Variants in KLF13 observed in about 807,000 individuals in gnomAD.
KLF13 encodes KLF transcription factor 13, also known as Krueppel-like factor 13.
A neutral mutation model predicts 16.7 loss-of-function variants in KLF13; 8 were observed. The ratio of observed to expected loss-of-function variants is 0.48; its 90% CI spans 0.28 to 0.87. The LOEUF is 0.87. Ranked by LOEUF, KLF13 falls within the 40% of genes least tolerant of loss-of-function variation. KLF13 has a pLI of 0.10. For missense variants in KLF13, 447 were observed against 452.2 expected, an observed-to-expected ratio of 0.99 and a Z score of 0.10; for synonymous variants, 245 against 208.4, an observed-to-expected ratio of 1.18 and a Z score of -1.51.
intron 1 of KLF13, among the ~76,000 whole-genome samples, chr15:31,344,626 G>A (rs1197289887): frequency 6.6e-6 from 1 of 152,258 alleles, no homozygotes; most frequent in Non-Finnish European, 1.5e-5. Flanking sequence ...TTGGGCCAGT[G>A]GGGAGGGAGA....
chr15:31,340,968 G>A (rs1275408235), intron 1 of KLF13, among the ~76,000 whole-genome samples: 1 of 152,208 alleles, frequency 6.6e-6, no homozygotes, highest in Non-Finnish European at 1.5e-5. Context: ...TTTCACGGGA[G>A]ACCCAGCGCC....
At chr15:31,382,794 G>A (rs1453891946), downstream of KLF13, among the ~76,000 whole-genome samples, 1 of 152,206 alleles carries the variant, frequency 6.6e-6, no homozygotes, top group African/African-American at 2.4e-5. Context: ...TGCCCAGGCT[G>A]CCAATGTGTC....
intron 1 of KLF13, among the ~76,000 whole-genome samples, chr15:31,328,307 T>G (rs369348290): frequency 2.6e-5 from 4 of 151,920 alleles, no homozygotes; most frequent in African/African-American, 9.6e-5. Context: ...CAAGGTTTCC[T>G]TCGCCACTCG....
At chr15:31,330,954 C>G (rs1056988864) in intron 1 of KLF13, among the ~76,000 whole-genome samples, 1 of 152,186 alleles carries the variant, frequency 6.6e-6, no homozygotes, top group Admixed American at 6.5e-5. Flanking sequence ...GACTCACCTT[C>G]GATAGGTCAG....
At chr15:31,343,109 C>T (rs1444926417) in intron 1 of KLF13, among the ~76,000 whole-genome samples, 5 of 152,240 alleles carry the variant, frequency 3.3e-5, no homozygotes, top group Non-Finnish European at 7.3e-5. Flanking sequence ...CATACTGTCT[C>T]CGTGCTCTGC....
chr15:31,365,371 G>C (rs1013853410), intron 1 of KLF13, among the ~76,000 whole-genome samples: 1 of 152,130 alleles, frequency 6.6e-6, no homozygotes, highest in African/African-American at 2.4e-5. Context: ...AGGACCTCCC[G>C]GTAGGAGTTG....
chr15:31,385,142 C>T (rs1045310987), intron 1 of KLF13, among the ~76,000 whole-genome samples: 8 of 152,310 alleles, frequency 5.3e-5, no homozygotes, highest in Middle Eastern at 3.4e-3. Context: ...CCCCACCAGA[C>T]GCTGGATCTG....
chr15:31,364,168 T>TTA (rs2039429035), intron 1 of KLF13, among the ~76,000 whole-genome samples: 1 of 152,186 alleles, frequency 6.6e-6, no homozygotes. Context: ...TTCTGGCTAT[T>TTA]ACTGTGTGTT....
At chr15:31,410,039 A>C (rs185214358) in intron 1 of KLF13, among the ~76,000 whole-genome samples, 2 of 152,318 alleles carry the variant, frequency 1.3e-5, no homozygotes, top group East Asian at 3.9e-4. Flanking sequence ...CAAGCAAACT[A>C]TAAGATCAGT....
intron 1 of KLF13, among the ~76,000 whole-genome samples, chr15:31,421,790 T>C (rs1250596698): frequency 6.6e-6 from 1 of 152,104 alleles, no homozygotes; most frequent in Non-Finnish European, 1.5e-5. Flanking sequence ...TCCTTTCCTG[T>C]CAGTAATTTT....
downstream of KLF13, among the ~76,000 whole-genome samples, chr15:31,381,313 T>G (rs1350966688): frequency 5.9e-5 from 9 of 152,176 alleles, no homozygotes; most frequent in Non-Finnish European, 1.3e-4. Flanking sequence ...AGGGCTAAAA[T>G]CCAGGTGTCA....
chr15:31,333,178 C>T (rs1035993689), intron 1 of KLF13, among the ~76,000 whole-genome samples: 3 of 152,210 alleles, frequency 2.0e-5, no homozygotes, highest in Admixed American at 2.0e-4. Flanking sequence ...CACAAGGACC[C>T]TATGAAGTAG....
chr15:31,414,409 C>A (rs557174447), intron 1 of KLF13, among the ~76,000 whole-genome samples: 43 of 152,202 alleles, frequency 2.8e-4, no homozygotes, highest in Middle Eastern at 6.8e-3. Context: ...AAACATTTCT[C>A]AAAAGGCAAA....
Position 31,367,800 on chromosome 15 carries a change from A to G in KLF13, c.578-4210A>G, listed in dbSNP as rs577622966. On this transcript the variant is annotated intron_variant, in intron 1 of 1. Coordinates refer to ENST00000307145, the MANE Select transcript of KLF13 (RefSeq NM_015995.4). Reference sequence around the variant, plus strand: ...GCTGAGGCCGGTCGTGCGCAGCCCCATGGGATCACTGTATGGACCCCCCGC... The same window carrying G: ...GCTGAGGCCGGTCGTGCGCAGCCCCGTGGGATCACTGTATGGACCCCCCGC... Among the ~76,000 whole-genome samples, 4 of 152,314 alleles carry G rather than the reference A, an allele frequency of 2.6e-5. No individual in the cohort carries two copies. The East Asian group carries it at 7.7e-4, about 29-fold the overall frequency.
At position 31,373,486 on chromosome 15, in the gene KLF13, C is replaced by G. The variant is rs1471822089; in HGVS notation, c.*1187C>G. The G allele has an allele frequency of 6.6e-6, 1 of 152,298 alleles. No homozygotes were observed. Among genetic ancestry groups the G allele is most frequent in the African/African-American group, 2.4e-5 (1 of 41,470 alleles). 9.4% of individuals were successfully genotyped at this position (152,298 alleles called of 1,614,324 possible). On this transcript the variant is annotated 3_prime_UTR_variant, in exon 2 of 2. Coordinates refer to ENST00000307145, the MANE Select transcript of KLF13 (RefSeq NM_015995.4). ...AGAAAGTTGCGGGCAACACTTTTCT[C>G]AGACCCACCATGTCCCCAACTCAGA...
chr15:31,356,544 T>A (rs186227358), intron 1 of KLF13, among the ~76,000 whole-genome samples: 74 of 152,316 alleles, frequency 4.9e-4, no homozygotes, highest in African/African-American at 1.8e-3. Context: ...AGAGCGAGAC[T>A]CCGTCTCAAA....
At chr15:31,335,957 C>G (rs1055748915) in intron 1 of KLF13, among the ~76,000 whole-genome samples, 1 of 152,264 alleles carries the variant, frequency 6.6e-6, no homozygotes, top group Non-Finnish European at 1.5e-5. Flanking sequence ...CCTCCTGTCT[C>G]AGGAGAAACT....
intron 1 of KLF13, among the ~76,000 whole-genome samples, chr15:31,365,421 G>A (rs1424475505): frequency 1.3e-5 from 2 of 152,104 alleles, no homozygotes; most frequent in Admixed American, 1.3e-4. Flanking sequence ...GGAGCTCAGC[G>A]AGGCTTCCTA....
At chr15:31,366,828 C>T (rs2039481018) in intron 1 of KLF13, among the ~76,000 whole-genome samples, 1 of 150,610 alleles carries the variant, frequency 6.6e-6, no homozygotes. Context: ...AGCTTGAGGA[C>T]ACTCGCAGGT....
Sources: gnomAD v4.1 joint callset for allele counts (sites outside exome capture counted in the v4.1 genomes callset) on GRCh38, gnomAD v4.1.1 for gene constraint, MANE v1.5 for transcripts, NCBI Gene and HGNC (gene_info 2026-07-23, HGNC 2026-07-21) for gene names.